The following ADAMTSL2 variants were observed in gnomAD, a reference collection of about 807,000 sequenced individuals.
ADAMTSL2 encodes the protein ADAMTS like 2, also known as ADAMTS-like protein 2.
Under a neutral mutation model 117.0 loss-of-function variants are expected in ADAMTSL2, and 55 were observed. The observed-to-expected ratio is 0.47, with a 90% confidence interval of 0.38 to 0.59. The LOEUF is 0.59. Among genes scored for constraint, ADAMTSL2 ranks in the 20% least tolerant of loss-of-function variants. The pLI is 0.00. For synonymous variants in ADAMTSL2, 572 were observed against 566.4 expected, an observed-to-expected ratio of 1.01 and a Z score of -0.14; for missense variants, 1,182 against 1,354.5, an observed-to-expected ratio of 0.87 and a Z score of 2.00.
intron 12 of ADAMTSL2, among the ~76,000 whole-genome samples, chr9:133,563,314 G>A (rs987351811): frequency 4.7e-4 from 71 of 152,350 alleles, no homozygotes; most frequent in African/African-American, 1.5e-3. Flanking sequence ...GACCCCTAGC[G>A]GAGCTGAGCA....
intron 8 of ADAMTSL2, among the ~76,000 whole-genome samples, chr9:133,545,381 G>A (rs1223458391): frequency 6.6e-6 from 1 of 152,190 alleles, no homozygotes; most frequent in East Asian, 1.9e-4. Context: ...CAGAACTGGT[G>A]GGGTGAAGCC....
At chr9:133,574,206 G>A (rs1444379711) in intron 18 of ADAMTSL2, among the ~76,000 whole-genome samples, 2 of 152,166 alleles carry the variant, frequency 1.3e-5, no homozygotes, top group Non-Finnish European at 2.9e-5. Context: ...GCCTGACTGG[G>A]GCTCCATGGC....
chr9:133,556,575 T>C (rs1034271013), intron 11 of ADAMTSL2, among the ~76,000 whole-genome samples: 3 of 152,170 alleles, frequency 2.0e-5, no homozygotes, highest in Non-Finnish European at 4.4e-5. Context: ...AAGGCTGGCA[T>C]TGCAGCTGGC....
At chr9:133,562,530 G>T (rs1404222080) in intron 12 of ADAMTSL2, among the ~76,000 whole-genome samples, 4 of 130,762 alleles carry the variant, frequency 3.1e-5, no homozygotes, top group Middle Eastern at 4.2e-3. Flanking sequence ...GCGGGCACCC[G>T]GCTGGGCCCG....
intron 1 of ADAMTSL2, among the ~76,000 whole-genome samples, chr9:133,536,178 C>G (rs2131086867): frequency 6.6e-6 from 1 of 152,358 alleles, no homozygotes; most frequent in Middle Eastern, 3.4e-3. Context: ...AAGCCCATCC[C>G]CATGCACTGA....
chr9:133,553,305 A>G (rs1199468227), intron 9 of ADAMTSL2, among the ~76,000 whole-genome samples: 1 of 152,072 alleles, frequency 6.6e-6, no homozygotes, highest in Non-Finnish European at 1.5e-5. Flanking sequence ...CAGGCCTAGC[A>G]GAGTTGGGAA....
At position 133,536,791 on chromosome 9, in the gene ADAMTSL2, A is replaced by T; in HGVS notation, c.79A>T (p.Thr27Ser). ...LAVVAGDTVSTGSTDNSPTSN... is the reference protein window; with the variant it reads ...LAVVAGDTVSSGSTDNSPTSN... ...AGTTGTAGCTGGGGACACAGTGTCA[A>T]CCGGGTCCACGGTGAGTGGGGTGTT... Residue 27 changes from threonine (T) to serine (S), a missense_variant, in exon 2 of 19, where the codon ACC becomes TCC. By Grantham distance (58) the Thr-to-Ser change is moderately conservative. Around this residue, in one of 3 missense-constraint regions of ADAMTSL2, gnomAD observed 372 missense variants for 463.4 expected, o/e 0.80. Transcript: ENST00000651351. 1 of 1,614,194 alleles carries T rather than the reference A, an allele frequency of 6.2e-7. No homozygotes were observed. Among genetic ancestry groups the T allele is most frequent in the South Asian group, 1.1e-5 (1 of 91,086 alleles).
At chr9:133,569,971 TCAGACGAGTTGCTCTCCA>T (rs1366219511) in intron 16 of ADAMTSL2, among the ~76,000 whole-genome samples, 1 of 152,238 alleles carries the variant, frequency 6.6e-6, no homozygotes, top group Non-Finnish European at 1.5e-5. Context: ...ACTTGCCATT[TCAGACGAGTTGCTCTCCA>T]CAAATTGCTT....
chr9:133,566,859 C>T, intron 12 of ADAMTSL2, 77 bp from the exon 13 acceptor site: 1 of 1,548,404 alleles, frequency 6.5e-7, no homozygotes, highest in Admixed American at 1.9e-5. Context: ...AGGTGACTTG[C>T]CCCAAGTCCT....
chr9:133,540,856 C>T (rs1396756457), intron 6 of ADAMTSL2, 22 bp from the exon 7 acceptor site: 1 of 1,613,130 alleles, frequency 6.2e-7, no homozygotes, highest in East Asian at 2.2e-5. Context: ...CCCAGCAGCC[C>T]TCTCCCTCTC....
Position 133,574,856 on chromosome 9 carries a change from C to CA in ADAMTSL2, c.2849dup (p.His950GlnfsTer13), listed in dbSNP as rs778146416. On this transcript the variant is annotated frameshift_variant, in exon 19 of 19. Transcript: ENST00000651351. LOFTEE classifies it high-confidence loss of function. ...GTGCTGCCGCTCCTGCAGGCCCCCCCACTCCTAGGCCCGGCAGCTGCAGCC... is the reference window on the plus strand; with the variant it reads ...GTGCTGCCGCTCCTGCAGGCCCCCCCAACTCCTAGGCCCGGCAGCTGCAGCC... 1.9e-6 allele frequency: 3 copies of CA among 1,607,560 alleles called. No homozygotes were observed. The highest frequency in any genetic ancestry group is 1.3e-5 in the African/African-American group (1 of 74,950).
Position 133,563,826 on chromosome 9 carries a change from A to AGAGAGAGAGAGAGG in ADAMTSL2, c.1747+2544_1747+2545insGGAGAGAGAGAGAG, listed in dbSNP as rs1830809643. Among the ~76,000 whole-genome samples the AGAGAGAGAGAGAGG allele has an allele frequency of 2.3e-5, 2 of 87,786 alleles. 1 individual carries two copies. The highest frequency in any genetic ancestry group is 4.8e-5 in the Non-Finnish European group (2 of 41,364). The allele number at this position is 87,786 out of a possible 152,430, so 57.6% of individuals were successfully genotyped here. On this transcript the variant is annotated intron_variant, in intron 12 of 18. Coordinates refer to ENST00000651351, the MANE Select transcript of ADAMTSL2 (RefSeq NM_014694.4). The stretch of plus-strand genomic sequence containing the variant: ...GAGAGAGAGAGAAAGGGGGAGAGAG[A>AGAGAGAGAGAGAGG]GAGAGAGAGAGAGAGAGGGAGAGAG...
intron 15 of ADAMTSL2, 74 bp downstream of exon 15, chr9:133,568,832 A>G: frequency 6.3e-7 from 1 of 1,598,442 alleles, no homozygotes; most frequent in Non-Finnish European, 8.6e-7. Context: ...GATGTGCCTC[A>G]GTTTCCATTT....
At chr9:133,559,769 A>G (rs1830686431) in intron 11 of ADAMTSL2, among the ~76,000 whole-genome samples, 1 of 152,220 alleles carries the variant, frequency 6.6e-6, no homozygotes, top group East Asian at 1.9e-4. Flanking sequence ...TCCCAGGTGA[A>G]GGAGGCTTTG....
chr9:133,563,370 C>G (rs903462847), intron 12 of ADAMTSL2, among the ~76,000 whole-genome samples: 1 of 152,228 alleles, frequency 6.6e-6, no homozygotes, highest in Admixed American at 6.5e-5. Context: ...AAGTCCTTTG[C>G]GGACCTGCCC....
rs1204457644 is a variant in ADAMTSL2, at chr9:133,543,974, G to A, written c.683-496G>A. ...CTGGGGCCTGGTGCTTAGGAAGGGC[G>A]TAGGCTTAGTTGGAGATTCTATCTG... On this transcript the variant is annotated intron_variant, in intron 7 of 18. Transcript: ENST00000651351. Among the ~76,000 whole-genome samples, 3 of 152,264 alleles carry A rather than the reference G, an allele frequency of 2.0e-5. No individual in the cohort carries two copies. The East Asian group carries it at 5.8e-4, about 29-fold the overall frequency.
intron 8 of ADAMTSL2, among the ~76,000 whole-genome samples, chr9:133,546,062 C>T (rs927665198): frequency 2.0e-5 from 3 of 152,142 alleles, no homozygotes; most frequent in African/African-American, 4.8e-5. Context: ...GTTCCTGGAA[C>T]TGGCTTTAAG....
intron 11 of ADAMTSL2, among the ~76,000 whole-genome samples, chr9:133,559,504 C>T (rs979661972): frequency 1.8e-4 from 26 of 147,062 alleles, no homozygotes; most frequent in Admixed American, 3.5e-4. Context: ...CCACCACACC[C>T]GGTGAATTTT....
Position 133,554,561 on chromosome 9 carries a change from G to A in ADAMTSL2, c.1144G>A (p.Asp382Asn). 4 of 1,547,074 alleles carry A rather than the reference G, an allele frequency of 2.6e-6. No individual in the cohort carries two copies. Among genetic ancestry groups the A allele is most frequent in the Non-Finnish European group, 3.5e-6 (4 of 1,146,092 alleles). ...GQASSERLGL[D>N]NRLFGHPGLD... ...GGCCTCCTCAGAGCGGCTGGGCCTGGACAACCGGCTGTTCGGCCACCCGGG... is the reference window on the plus strand; with the variant it reads ...GGCCTCCTCAGAGCGGCTGGGCCTGAACAACCGGCTGTTCGGCCACCCGGG... Residue 382 changes from aspartate to asparagine, a missense_variant, in exon 10 of 19, where the codon GAC becomes AAC. This residue lies in a region of ADAMTSL2 where 345 missense variants were observed against 325.8 expected (regional missense o/e 1.06). Transcript: ENST00000651351. This position sits in a 1 kb window ranked among gnomAD's most constrained non-coding sequence, Gnocchi z 5.2.
Sources: allele counts gnomAD v4.1 joint callset (sites outside exome capture counted in the v4.1 genomes callset), GRCh38; gene constraint gnomAD v4.1.1; regional missense constraint gnomAD v4.1.1; non-coding constraint Gnocchi (gnomAD v3.1); transcripts MANE v1.5; gene names NCBI Gene and HGNC (gene_info 2026-07-23, HGNC 2026-07-21).